Variants in NSMCE2 observed in about 807,000 individuals in gnomAD.
NSMCE2 encodes the protein NSE2 SUMO ligase component of SMC5/6 complex.
NSMCE2 carries 24 observed loss-of-function variants against 23.8 expected under a neutral mutation model. The ratio of observed to expected loss-of-function variants is 1.01; its 90% CI spans 0.73 to 1.42. NSMCE2 has a LOEUF of 1.42. NSMCE2 is among the 40% of genes most tolerant of loss of function. The pLI, the probability that NSMCE2 is intolerant of heterozygous loss-of-function variation, is 0.00. For missense variants in NSMCE2, 284 were observed against 296.5 expected, an observed-to-expected ratio of 0.96 and a Z score of 0.31; for synonymous variants, 92 against 94.1, an observed-to-expected ratio of 0.98 and a Z score of 0.13.
chr8:125,331,845 G>A (rs115662426), intron 5 of NSMCE2, among the ~76,000 whole-genome samples: 2,368 of 152,282 alleles, frequency 0.016, 53 homozygotes, highest in African/African-American at 0.054. Flanking sequence ...GTAAAATTTC[G>A]GAAGGAGCAG....
chr8:125,107,185 A>ATCC (rs1818504955), intron 3 of NSMCE2, among the ~76,000 whole-genome samples: 1 of 124,590 alleles, frequency 8.0e-6, no homozygotes, highest in Non-Finnish European at 1.6e-5. Context: ...TATCAAGGAC[A>ATCC]TTCTTTTTTT....
chr8:125,140,016 T>C (rs1226646372), intron 3 of NSMCE2, among the ~76,000 whole-genome samples: 1 of 152,222 alleles, frequency 6.6e-6, no homozygotes, highest in Non-Finnish European at 1.5e-5. Flanking sequence ...AGGGATGCCT[T>C]ACACATGGAA....
chr8:125,228,222 AAGT>A (rs1825181229), intron 5 of NSMCE2, among the ~76,000 whole-genome samples: 1 of 152,190 alleles, frequency 6.6e-6, no homozygotes, highest in African/African-American at 2.4e-5. Flanking sequence ...AAGTTGAAAT[AAGT>A]GGTGTTTGTT....
intron 1 of NSMCE2, among the ~76,000 whole-genome samples, chr8:125,101,719 A>T (rs969360186): frequency 2.0e-5 from 3 of 152,178 alleles, no homozygotes; most frequent in Admixed American, 6.5e-5. Flanking sequence ...TAATAACTGA[A>T]ACTGTTATAG....
chr8:125,215,236 C>T (rs1824525905), intron 5 of NSMCE2, among the ~76,000 whole-genome samples: 1 of 145,412 alleles, frequency 6.9e-6, no homozygotes, highest in Non-Finnish European at 1.5e-5. Flanking sequence ...GTTCCCCTTC[C>T]TGTGTCCATG....
chr8:125,261,873 G>C (rs1306507867), intron 5 of NSMCE2, among the ~76,000 whole-genome samples: 1 of 152,008 alleles, frequency 6.6e-6, no homozygotes, highest in African/African-American at 2.4e-5. Context: ...AGCATGGTCA[G>C]ATCACCTGAG....
At chr8:125,282,517 A>T (rs1827734787) in intron 5 of NSMCE2, among the ~76,000 whole-genome samples, 1 of 152,230 alleles carries the variant, frequency 6.6e-6, no homozygotes, top group Admixed American at 6.5e-5. Context: ...TGCATCGCAT[A>T]TTTACCTCTG....
At chr8:125,226,801 C>G (rs528268916) in intron 5 of NSMCE2, among the ~76,000 whole-genome samples, 1 of 152,172 alleles carries the variant, frequency 6.6e-6, no homozygotes, top group African/African-American at 2.4e-5. Flanking sequence ...AAGACACTTT[C>G]TTCCCCTTAC....
chr8:125,123,505 G>A (rs1194700466), intron 3 of NSMCE2, among the ~76,000 whole-genome samples: 1 of 152,212 alleles, frequency 6.6e-6, no homozygotes, highest in Non-Finnish European at 1.5e-5. Flanking sequence ...AAGCTCGAAG[G>A]GTTAAGTGAC....
rs191097707 is a variant in NSMCE2 at position 125,163,681 on chromosome 8, T to C, written c.264+12404T>C. Reference sequence around the variant, plus strand: ...TACAGTCCTCATCTGACAACCCATATCTGAATGGCCACAAGACTGAAGAGT... The same window carrying C: ...TACAGTCCTCATCTGACAACCCATACCTGAATGGCCACAAGACTGAAGAGT... On this transcript the variant is annotated intron_variant, in intron 4 of 7. Coordinates refer to ENST00000287437, the MANE Select transcript of NSMCE2 (RefSeq NM_173685.4). Among the ~76,000 whole-genome samples the C allele has an allele frequency of 3.4e-3, 517 of 152,268 alleles. 13 individuals are homozygous for C. Among genetic ancestry groups the C allele is most frequent in the Admixed American group, 0.028 (421 of 15,294 alleles).
At chr8:125,363,910 C>T (rs1163334112) in intron 7 of NSMCE2, among the ~76,000 whole-genome samples, 1 of 152,102 alleles carries the variant, frequency 6.6e-6, no homozygotes, top group Non-Finnish European at 1.5e-5. Context: ...TTTAACACAT[C>T]ATGTACCTGA....
intron 1 of NSMCE2, among the ~76,000 whole-genome samples, chr8:125,101,328 T>C (rs1818176792): frequency 6.6e-6 from 1 of 152,168 alleles, no homozygotes; most frequent in Admixed American, 6.5e-5. Context: ...TACTACACAG[T>C]TCCCCACTTA....
intron 5 of NSMCE2, among the ~76,000 whole-genome samples, chr8:125,278,194 C>G (rs187111280): frequency 2.0e-5 from 3 of 152,138 alleles, no homozygotes; most frequent in Non-Finnish European, 4.4e-5. Context: ...GTTTTGTTTT[C>G]TTTTATTTAT....
chr8:125,244,961 G>T (rs570641446), intron 5 of NSMCE2, among the ~76,000 whole-genome samples: 1 of 152,198 alleles, frequency 6.6e-6, no homozygotes, highest in South Asian at 2.1e-4. Context: ...ATTTATACTG[G>T]CCACAAAGTG....
intron 5 of NSMCE2, among the ~76,000 whole-genome samples, chr8:125,341,346 A>G (rs560458987): frequency 5.3e-5 from 8 of 152,318 alleles, no homozygotes; most frequent in African/African-American, 1.7e-4. Flanking sequence ...TGTAGAGTTC[A>G]TAAAGCAAGT....
At chr8:125,140,968 G>T (rs962224636) in intron 3 of NSMCE2, among the ~76,000 whole-genome samples, 4 of 152,144 alleles carry the variant, frequency 2.6e-5, no homozygotes, top group African/African-American at 9.7e-5. Flanking sequence ...AAGACACCTG[G>T]CCGTGAAGAT....
At position 125,363,825 on chromosome 8, in the gene NSMCE2, A is replaced by G. The variant is rs79510006; in HGVS notation, c.627-2943A>G. 4.4e-3 allele frequency among the ~76,000 whole-genome samples: 665 copies of G among 152,330 alleles called. 7 individuals carry two copies. Among genetic ancestry groups the G allele is most frequent in the African/African-American group, 0.015 (643 of 41,570 alleles). On this transcript the variant is annotated intron_variant, in intron 7 of 7. Transcript: ENST00000287437. ...CCAGCCTTGCCCTAATGCAAAGCCA[A>G]ATCATCAAAATGATGCATACCTGGG...
At chr8:125,331,098 G>A (rs1191719507) in intron 5 of NSMCE2, among the ~76,000 whole-genome samples, 2 of 152,062 alleles carry the variant, frequency 1.3e-5, no homozygotes, top group African/African-American at 2.4e-5. Flanking sequence ...TCAAGAGATC[G>A]AGACCATCCT....
intron 4 of NSMCE2, among the ~76,000 whole-genome samples, chr8:125,180,151 G>A (rs1205990181): frequency 6.6e-6 from 1 of 152,216 alleles, no homozygotes; most frequent in Non-Finnish European, 1.5e-5. Flanking sequence ...TGTAGAGGTA[G>A]AGGATAGCTA....
Sources: allele counts gnomAD v4.1 joint callset (sites outside exome capture counted in the v4.1 genomes callset), GRCh38; gene constraint gnomAD v4.1.1; transcripts MANE v1.5; gene names NCBI Gene and HGNC (gene_info 2026-07-23, HGNC 2026-07-21).